Variants in GATA4 observed in about 807,000 individuals in gnomAD.
The protein encoded by GATA4 is transcription factor GATA-4.
In GATA4, 7 loss-of-function variants were observed where a neutral mutation model predicts 37.9. The observed-to-expected ratio is 0.18, with a 90% CI of 0.11 to 0.35. The LOEUF (loss-of-function observed/expected upper bound fraction) is 0.35, where lower values mean the gene tolerates loss of function less well. Ranked by LOEUF, GATA4 falls within the 10% of genes least tolerant of loss-of-function variation. The probability of loss-of-function intolerance (pLI) is 1.00; values close to 1 mark genes in which losing one functional copy is unlikely to be tolerated. For synonymous variants in GATA4, 372 were observed against 292.6 expected, an observed-to-expected ratio of 1.27 and a Z score of -2.77; for missense variants, 647 against 653.0, an observed-to-expected ratio of 0.99 and a Z score of 0.10.
intron 2 of GATA4, among the ~76,000 whole-genome samples, chr8:11,734,603 C>T (rs1801362792): frequency 6.6e-6 from 1 of 152,244 alleles, no homozygotes; most frequent in South Asian, 2.1e-4. Context: ...TCTCCTGCCT[C>T]AGCCTCCTGA....
chr8:11,737,093 T>C (rs1287376207), intron 2 of GATA4, among the ~76,000 whole-genome samples: 5 of 152,048 alleles, frequency 3.3e-5, no homozygotes, highest in South Asian at 2.1e-4. Context: ...GAGAAGAAGA[T>C]GTAAAGTGAT....
chr8:11,677,572 C>T (rs915645892), intron 1 of GATA4, among the ~76,000 whole-genome samples: 3 of 152,222 alleles, frequency 2.0e-5, no homozygotes, highest in East Asian at 1.9e-4. Flanking sequence ...CTCTTAAGAA[C>T]GCCCTTGGAA....
In GATA4 at chr8:11,759,469, C is replaced by G. The variant is rs1159707062; in HGVS notation, c.*994C>G. On this transcript the variant is annotated 3_prime_UTR_variant, in exon 7 of 7. Transcript: ENST00000532059. ...CCTGCTGTCTGTCTGCTCCTCCTAG[C>G]CCTTGGTCAGATGGCAGCCAGAGTC... is the stretch of plus-strand genomic sequence containing the variant. The G allele has an allele frequency of 6.6e-6, 1 of 152,338 alleles. No homozygotes were observed. 9.4% of individuals were successfully genotyped at this position (152,338 alleles called of 1,614,324 possible). A position where few individuals can be genotyped will look rare whatever the true frequency, so the allele number is the denominator to read the frequency against.
At chr8:11,694,544 G>T (rs1799445597) in intron 1 of GATA4, 1 of 983,248 alleles carries the variant, frequency 1.0e-6, no homozygotes, top group Non-Finnish European at 1.2e-6. Flanking sequence ...TAATTAGCAA[G>T]CTCTCCCAGG....
At chr8:11,725,355 G>C (rs541030873) in intron 2 of GATA4, among the ~76,000 whole-genome samples, 3 of 152,226 alleles carry the variant, frequency 2.0e-5, no homozygotes, top group Non-Finnish European at 4.4e-5. Context: ...AGGAAAGACT[G>C]TCTCACCCCC....
intron 6 of GATA4, among the ~76,000 whole-genome samples, chr8:11,757,820 C>G (rs924526471): frequency 2.6e-5 from 4 of 152,250 alleles, no homozygotes; most frequent in African/African-American, 7.2e-5. Context: ...TCACGGTCTC[C>G]TTTGACCAGC....
At chr8:11,679,691 G>T (rs4376467) in intron 1 of GATA4, among the ~76,000 whole-genome samples, 1 of 151,926 alleles carries the variant, frequency 6.6e-6, no homozygotes, top group Non-Finnish European at 1.5e-5. Flanking sequence ...TGGGCCGGGT[G>T]CTGGGCGAAC....
At chr8:11,737,476 A>G (rs1801519807) in intron 2 of GATA4, among the ~76,000 whole-genome samples, 1 of 152,236 alleles carries the variant, frequency 6.6e-6, no homozygotes, top group Non-Finnish European at 1.5e-5. Context: ...CTGGGGTTGC[A>G]GAGTCAAATG....
At chr8:11,688,900 G>A (rs1563187802), upstream of GATA4, among the ~76,000 whole-genome samples, 2 of 152,210 alleles carry the variant, frequency 1.3e-5, no homozygotes, top group Admixed American at 6.5e-5. Flanking sequence ...TATTTGTAAT[G>A]TCTGCAGAAA....
intron 2 of GATA4, among the ~76,000 whole-genome samples, chr8:11,723,604 T>A (rs993934385): frequency 1.3e-5 from 2 of 152,194 alleles, no homozygotes; most frequent in African/African-American, 2.4e-5. Flanking sequence ...AGGAATGGCG[T>A]TTGGAGATCA....
Position 11,707,675 on chromosome 8 carries a change from C to A in GATA4, c.-457-181C>A, listed in dbSNP as rs1168749258. Among the ~76,000 whole-genome samples the A allele has an allele frequency of 6.6e-6, 1 of 152,170 alleles. No individual in the cohort carries two copies. The highest frequency in any genetic ancestry group is 1.5e-5 in the Non-Finnish European group (1 of 68,032). ...CCCAGGCTTGCCTGGGCCGCCTGAC[C>A]CAACGCCTGGACAAAACAAAGGCCC... On this transcript the variant is annotated intron_variant, in intron 1 of 6. Transcript: ENST00000532059. The surrounding 1 kb of genome is among the most constrained non-coding windows in gnomAD (Gnocchi z 4.7).
upstream of GATA4, among the ~76,000 whole-genome samples, chr8:11,702,161 G>T (rs374071698): frequency 1.3e-5 from 2 of 152,210 alleles, no homozygotes; most frequent in Non-Finnish European, 2.9e-5. This position sits in a 1 kb window ranked among gnomAD's most constrained non-coding sequence, Gnocchi z 4.4. Context: ...AGAAGCCGGC[G>T]TAGGAGCGCC....
rs1802798086 is a variant in GATA4 at position 11,759,709 on chromosome 8, C to A, written c.*1234C>A. 1 of 152,364 alleles carries A rather than the reference C, an allele frequency of 6.6e-6. No individual in the cohort carries two copies. The highest frequency in any genetic ancestry group is 2.1e-4 in the South Asian group (1 of 4,834). The allele number at this position is 152,364 out of a possible 1,614,324, so 9.4% of individuals were successfully genotyped here. A position where few individuals can be genotyped will look rare whatever the true frequency, so the allele number is the denominator to read the frequency against. On this transcript the variant is annotated 3_prime_UTR_variant, in exon 7 of 7. Coordinates refer to ENST00000532059, the MANE Select transcript of GATA4 (RefSeq NM_001308093.3). ...CGTTCTCCTCTGCACATTGCTGTTTCTGCCCCTGATGCTGGAGCTCAAGGA... is the reference window on the plus strand; with the variant it reads ...CGTTCTCCTCTGCACATTGCTGTTTATGCCCCTGATGCTGGAGCTCAAGGA...
intron 1 of GATA4, chr8:11,694,468 T>A (rs989319235): frequency 5.1e-6 from 5 of 985,250 alleles, no homozygotes; most frequent in Middle Eastern, 5.2e-4. Flanking sequence ...TGCCACCAGC[T>A]CTCCGAGCCG....
At chr8:11,692,818 G>C (rs1397099221) in intron 1 of GATA4, 1 of 982,572 alleles carries the variant, frequency 1.0e-6, no homozygotes, top group East Asian at 1.1e-4. Flanking sequence ...GCGGGCGCCA[G>C]GCCGGGCAGA....
chr8:11,737,201 G>A (rs1462115836), intron 2 of GATA4, among the ~76,000 whole-genome samples: 9 of 151,324 alleles, frequency 5.9e-5, no homozygotes, highest in Non-Finnish European at 7.4e-5. Context: ...ACCCTTGCTC[G>A]CCTCCTCTTC....
chr8:11,695,913 C>T (rs1014396104), intron 1 of GATA4, among the ~76,000 whole-genome samples: 2 of 152,152 alleles, frequency 1.3e-5, no homozygotes, highest in Non-Finnish European at 2.9e-5. Context: ...ATAGGGAGGA[C>T]CAACCTTGAA....
chr8:11,692,782 C>G lies in GATA4; in HGVS notation c.-729+122C>G, dbSNP rs538923002. ...GACGGGGGGCGGGAAGCGAGGCTGCCGAGGGGAGGAAGCGGGGCCGGCGCA... is the reference window on the plus strand; with the variant it reads ...GACGGGGGGCGGGAAGCGAGGCTGCGGAGGGGAGGAAGCGGGGCCGGCGCA... On this transcript the variant is annotated intron_variant, in intron 1 of 2. Coordinates refer to the GATA4 transcript ENST00000526974. 1.0e-4 allele frequency: 101 copies of G among 982,292 alleles called. No individual in the cohort carries two copies. The African/African-American group carries it at 1.6e-3, about 16-fold the overall frequency. 60.8% of individuals were successfully genotyped at this position (982,292 alleles called of 1,614,324 possible). A position where few individuals can be genotyped will look rare whatever the true frequency, so the allele number is the denominator to read the frequency against.
upstream of GATA4, among the ~76,000 whole-genome samples, chr8:11,687,901 G>C (rs1221626474): frequency 6.6e-6 from 1 of 152,144 alleles, no homozygotes; most frequent in African/African-American, 2.4e-5. Flanking sequence ...ATGAGGTTGA[G>C]TGATTTGCCA....
Sources: allele counts gnomAD v4.1 joint callset (sites outside exome capture counted in the v4.1 genomes callset), GRCh38; gene constraint gnomAD v4.1.1; non-coding constraint Gnocchi (gnomAD v3.1); transcripts MANE v1.5; gene names NCBI Gene and HGNC (gene_info 2026-07-23, HGNC 2026-07-21).